KIF6: variants seen among roughly 807,000 people sequenced by gnomAD.
KIF6 encodes kinesin-like protein KIF6.
KIF6 carries 106 observed loss-of-function variants against 112.7 expected under a neutral mutation model. The ratio of observed to expected loss-of-function variants is 0.94; its 90% CI spans 0.80 to 1.11. KIF6 has a LOEUF of 1.11. Among genes scored for constraint, KIF6 ranks in the 50% least tolerant of loss-of-function variants. The pLI is 0.00. For synonymous variants in KIF6, 339 were observed against 339.9 expected (o/e 1.00, Z 0.03); for missense variants, 929 against 964.0 (o/e 0.96, Z 0.48).
At chr6:39,516,212 C>T (rs1777077135) in intron 13 of KIF6, among the ~76,000 whole-genome samples, 1 of 151,892 alleles carries the variant, frequency 6.6e-6, no homozygotes, top group Non-Finnish European at 1.5e-5. Flanking sequence ...AGAGCAGGCA[C>T]TTACATATTT....
intron 3 of KIF6, among the ~76,000 whole-genome samples, chr6:39,687,560 A>C (rs1261214555): frequency 1.3e-5 from 2 of 152,226 alleles, no homozygotes; most frequent in Non-Finnish European, 2.9e-5. Context: ...CTTTTGAAGT[A>C]TGCAGATGAA....
At chr6:39,427,190 G>T (rs1178731860) in intron 14 of KIF6, among the ~76,000 whole-genome samples, 1 of 152,122 alleles carries the variant, frequency 6.6e-6, no homozygotes, top group Non-Finnish European at 1.5e-5. Context: ...TGTATTCCCA[G>T]AACTGCCCAT....
At chr6:39,514,900 C>T (rs1776988416) in intron 13 of KIF6, among the ~76,000 whole-genome samples, 1 of 152,058 alleles carries the variant, frequency 6.6e-6, no homozygotes, top group African/African-American at 2.4e-5. Flanking sequence ...ATAGAAAGAC[C>T]AGCATTGTTT....
chr6:39,525,064 A>C lies in KIF6; in HGVS notation c.1645+14939T>G, dbSNP rs1489064133. Among the ~76,000 whole-genome samples the C allele has an allele frequency of 4.6e-5, 7 of 152,204 alleles. No individual in the cohort carries two copies. The South Asian group carries it at 8.3e-4, about 18-fold the overall frequency. On this transcript the variant is annotated intron_variant, in intron 13 of 22. Coordinates refer to ENST00000287152, the MANE Select transcript of KIF6 (RefSeq NM_145027.6). ...GTTAACTTTTCTGTTGCCTACAAGT[A>C]AATCAGTCTGGGCAATTTGTCTTCT...
intron 3 of KIF6, among the ~76,000 whole-genome samples, chr6:39,641,374 C>T (rs182160052): frequency 6.6e-6 from 1 of 152,086 alleles, no homozygotes; most frequent in Admixed American, 6.6e-5. Context: ...AACCATCATT[C>T]TCAGCAAACT....
At chr6:39,593,788 T>C (rs762703156) in intron 7 of KIF6, among the ~76,000 whole-genome samples, 21 of 152,182 alleles carry the variant, frequency 1.4e-4, no homozygotes, top group Non-Finnish European at 2.6e-4. Flanking sequence ...TTCCTCTGCG[T>C]GGTATCAGGC....
intron 6 of KIF6, among the ~76,000 whole-genome samples, chr6:39,611,726 G>A (rs746559139): frequency 2.0e-5 from 3 of 152,056 alleles, no homozygotes; most frequent in Non-Finnish European, 2.9e-5. Flanking sequence ...GTATCTCCTC[G>A]TTTGCTGTTT....
chr6:39,394,861 A>G (rs1262943402), intron 15 of KIF6, among the ~76,000 whole-genome samples: 1 of 152,234 alleles, frequency 6.6e-6, no homozygotes, highest in Non-Finnish European at 1.5e-5. Flanking sequence ...AAAGATATCA[A>G]TACTTTCTAG....
At position 39,503,161 on chromosome 6, in the gene KIF6, C is replaced by A. The variant is rs146485041; in HGVS notation, c.1645+36842G>T. ...ACCATCTCTCAGACCACAGCACAAT[C>A]AAATTAGAACTCAAGATTAAGAAAT... On this transcript the variant is annotated intron_variant, in intron 13 of 22. Transcript: ENST00000287152. 7.0e-3 allele frequency among the ~76,000 whole-genome samples: 1,068 copies of A among 152,294 alleles called. 13 individuals carry two copies. Among genetic ancestry groups the A allele is most frequent in the African/African-American group, 0.023 (939 of 41,564 alleles).
chr6:39,716,868 A>G (rs1288788624), intron 2 of KIF6, among the ~76,000 whole-genome samples: 2 of 152,142 alleles, frequency 1.3e-5, no homozygotes, highest in Non-Finnish European at 2.9e-5. Context: ...CTATCCCTCT[A>G]AATGTTCAGT....
chr6:39,364,064 C>A (rs1034801711), intron 16 of KIF6, among the ~76,000 whole-genome samples: 2 of 151,994 alleles, frequency 1.3e-5, no homozygotes, highest in Non-Finnish European at 2.9e-5. Context: ...AATATCTGAA[C>A]AACAACATCA....
chr6:39,672,659 G>T (rs987162698), intron 3 of KIF6, among the ~76,000 whole-genome samples: 5 of 152,168 alleles, frequency 3.3e-5, no homozygotes, highest in African/African-American at 9.7e-5. Flanking sequence ...ACAGGGTTTG[G>T]TTTCTGGTGA....
intron 10 of KIF6, among the ~76,000 whole-genome samples, chr6:39,567,018 T>G (rs1024888396): frequency 4.6e-5 from 7 of 152,226 alleles, no homozygotes; most frequent in Non-Finnish European, 1.0e-4. Context: ...TCGGGCACTT[T>G]TTCTTCCTGT....
At chr6:39,671,253 T>C (rs1158716713) in intron 3 of KIF6, among the ~76,000 whole-genome samples, 3 of 152,234 alleles carry the variant, frequency 2.0e-5, no homozygotes, top group Non-Finnish European at 2.9e-5. Context: ...AAAGGATTTG[T>C]AGTATTTGTA....
intron 13 of KIF6, among the ~76,000 whole-genome samples, chr6:39,454,712 C>T (rs1462935390): frequency 1.4e-3 from 215 of 152,118 alleles, no homozygotes; most frequent in Non-Finnish European, 2.2e-3. Flanking sequence ...ACCTGGGAAG[C>T]GCAAGGGGTC....
At chr6:39,710,300 T>C (rs1169579775) in intron 3 of KIF6, among the ~76,000 whole-genome samples, 2 of 152,024 alleles carry the variant, frequency 1.3e-5, no homozygotes, top group East Asian at 3.9e-4. Context: ...CATAGACACA[T>C]GGGTAGGCCA....
chr6:39,512,919 C>T (rs796401985), intron 13 of KIF6, among the ~76,000 whole-genome samples: 1 of 152,136 alleles, frequency 6.6e-6, no homozygotes, highest in Non-Finnish European at 1.5e-5. Context: ...GAGCCAGGCA[C>T]GTCTATATGT....
rs567004066 is a variant in KIF6 at position 39,419,966 on chromosome 6, C to T, written c.1792G>A (p.Glu598Lys). ...EAKALGESIN[E>K]ARSKIGHLKE... ...TGCTTACCAATTTTACTTCTTGCTT[C>T]ATTTATACTTTCTCCCAGGGCCTTG... is the stretch of plus-strand genomic sequence containing the variant. The change falls in exon 15 of 23, where the codon GAA becomes AAA. Residue 598 changes from glutamate (E) to lysine (K), a missense_variant. By Grantham distance (56) the Glu-to-Lys change is moderately conservative. Around this residue, in one of 2 missense-constraint regions of KIF6, gnomAD observed 241 missense variants for 301.4 expected, o/e 0.80. Transcript: ENST00000287152. 6.2e-7 allele frequency: 1 copy of T among 1,613,502 alleles called. No individual in the cohort carries two copies. The highest frequency in any genetic ancestry group is 8.5e-7 in the Non-Finnish European group (1 of 1,179,448).
intron 13 of KIF6, among the ~76,000 whole-genome samples, chr6:39,474,960 T>C (rs571421167): frequency 2.0e-5 from 3 of 152,234 alleles, no homozygotes; most frequent in Non-Finnish European, 4.4e-5. Context: ...ACAAAAACAA[T>C]TATATGATGG....
Sources: gnomAD v4.1 joint callset for allele counts (sites outside exome capture counted in the v4.1 genomes callset) on GRCh38, gnomAD v4.1.1 for gene constraint, gnomAD v4.1.1 regional missense constraint, MANE v1.5 for transcripts, NCBI Gene and HGNC (gene_info 2026-07-23, HGNC 2026-07-21) for gene names.